CPNE4: variants seen among roughly 807,000 people sequenced by gnomAD.
CPNE4 encodes copine-4.
In CPNE4, 25 loss-of-function variants were observed where a neutral mutation model predicts 67.9. The observed-to-expected ratio is 0.37, with a 90% CI of 0.27 to 0.51. The LOEUF (loss-of-function observed/expected upper bound fraction) is 0.51. CPNE4 is among the 20% of genes least tolerant of loss of function. CPNE4 has a pLI of 0.93. For synonymous variants in CPNE4, 242 were observed against 244.9 expected, an observed-to-expected ratio of 0.99 and a Z score of 0.11; for missense variants, 464 against 690.8, an observed-to-expected ratio of 0.67 and a Z score of 3.68.
chr3:131,898,258 A>G (rs764440743), intron 2 of CPNE4, among the ~76,000 whole-genome samples: 13 of 152,064 alleles, frequency 8.5e-5, no homozygotes, highest in Non-Finnish European at 1.9e-4. Flanking sequence ...GCCCTCTCAA[A>G]CTCTTTCTCC....
intron 1 of CPNE4, among the ~76,000 whole-genome samples, chr3:131,973,509 C>T (rs2107621150): frequency 6.6e-6 from 1 of 152,288 alleles, no homozygotes; most frequent in Admixed American, 6.5e-5. Context: ...TTCAGCACAG[C>T]TTTTAATGAT....
chr3:131,987,893 A>G (rs1278563395), intron 1 of CPNE4, among the ~76,000 whole-genome samples: 3 of 152,162 alleles, frequency 2.0e-5, no homozygotes, highest in African/African-American at 4.8e-5. Context: ...TTTGCTATAA[A>G]TGTTTACCCA....
chr3:131,968,427 C>T (rs2072413526), intron 1 of CPNE4, among the ~76,000 whole-genome samples: 1 of 152,202 alleles, frequency 6.6e-6, no homozygotes. Context: ...ATGCAACCTA[C>T]AGAATGGGAG....
chr3:131,878,237 GGATA>G (rs2087533562), intron 2 of CPNE4, among the ~76,000 whole-genome samples: 1 of 152,136 alleles, frequency 6.6e-6, no homozygotes, highest in Admixed American at 6.5e-5. Flanking sequence ...ATCAGCAGTA[GGATA>G]GATAAATCAA....
At chr3:131,741,027 T>C (rs975660381) in intron 2 of CPNE4, among the ~76,000 whole-genome samples, 9 of 152,172 alleles carry the variant, frequency 5.9e-5, no homozygotes, top group African/African-American at 1.9e-4. Context: ...CTTAAATGTC[T>C]TCTCATTGAA....
intron 1 of CPNE4, among the ~76,000 whole-genome samples, chr3:131,980,791 G>A (rs181443257): frequency 6.7e-4 from 102 of 152,142 alleles, no homozygotes; most frequent in Admixed American, 1.4e-3. Flanking sequence ...ATATTACCAC[G>A]GTTTTCTGGT....
chr3:131,723,850 A>G (rs566353091), intron 2 of CPNE4, among the ~76,000 whole-genome samples: 11 of 152,340 alleles, frequency 7.2e-5, no homozygotes, highest in South Asian at 4.1e-4. Flanking sequence ...TTGAAGATTT[A>G]GAGCTCATTG....
intron 7 of CPNE4, among the ~76,000 whole-genome samples, chr3:131,664,416 G>T (rs891320081): frequency 1.3e-5 from 2 of 152,160 alleles, no homozygotes; most frequent in Non-Finnish European, 2.9e-5. Context: ...ATTTCTGGGA[G>T]AGTAATTTAT....
rs2074307425 is a variant in CPNE4, at chr3:132,034,613, C to T, written c.-48G>A. 3.0e-6 allele frequency: 3 copies of T among 985,316 alleles called. No homozygotes were observed. The highest frequency in any genetic ancestry group is 3.5e-5 in the African/African-American group (2 of 57,198). The allele number at this position is 985,316 out of a possible 1,614,324, so 61.0% of individuals were successfully genotyped here. On this transcript the variant is annotated 5_prime_UTR_variant, in exon 1 of 16. Transcript: ENST00000429747. ...AGTGGAGAGAGAATTCAGCCCGGGA[C>T]GAGGTCTGTCCCGCCCCCAGGATGC...
intron 8 of CPNE4, among the ~76,000 whole-genome samples, chr3:131,587,211 A>C (rs1394687190): frequency 6.6e-6 from 1 of 152,186 alleles, no homozygotes; most frequent in Non-Finnish European, 1.5e-5. Flanking sequence ...TCAGGGCTAC[A>C]CAGGTAAAGG....
At chr3:131,816,566 G>A (rs941618401) in intron 2 of CPNE4, among the ~76,000 whole-genome samples, 14 of 152,174 alleles carry the variant, frequency 9.2e-5, no homozygotes, top group South Asian at 2.1e-4. Context: ...GGATTGAAAC[G>A]GAATCAACTC....
intron 7 of CPNE4, among the ~76,000 whole-genome samples, chr3:131,666,002 G>T (rs2080250381): frequency 6.6e-6 from 1 of 151,960 alleles, no homozygotes; most frequent in South Asian, 2.1e-4. Context: ...TTTTTTTCTG[G>T]TATTAGATAA....
At chr3:131,956,872 AT>A (rs1392000435) in intron 1 of CPNE4, among the ~76,000 whole-genome samples, 1 of 152,228 alleles carries the variant, frequency 6.6e-6, no homozygotes, top group Non-Finnish European at 1.5e-5. Flanking sequence ...TGTAGAATTT[AT>A]CCCCAAGTTT....
At chr3:131,906,206 T>TG (rs1471269609) in intron 1 of CPNE4, among the ~76,000 whole-genome samples, 8 of 110,454 alleles carry the variant, frequency 7.2e-5, no homozygotes, top group Middle Eastern at 9.1e-3. Flanking sequence ...TTTTTTGTTT[T>TG]TTTTTGTTGT....
At chr3:131,750,699 G>A (rs1318963770) in intron 2 of CPNE4, among the ~76,000 whole-genome samples, 2 of 152,082 alleles carry the variant, frequency 1.3e-5, no homozygotes, top group Non-Finnish European at 2.9e-5. Context: ...CAGAATTCAG[G>A]AGGAGAAAAA....
intron 2 of CPNE4, among the ~76,000 whole-genome samples, chr3:131,903,671 C>A (rs747879807): frequency 2.0e-5 from 3 of 152,026 alleles, no homozygotes; most frequent in Non-Finnish European, 4.4e-5. Context: ...TTTGTCTTTC[C>A]ATTTCCTTGC....
upstream of CPNE4, among the ~76,000 whole-genome samples, chr3:132,035,719 T>C (rs1299699242): frequency 6.6e-6 from 1 of 152,240 alleles, no homozygotes; most frequent in Non-Finnish European, 1.5e-5. Flanking sequence ...CAGGGCATTG[T>C]TTCTGATTAT....
chr3:131,660,839 A>G (rs2080105116), intron 7 of CPNE4, among the ~76,000 whole-genome samples: 1 of 152,154 alleles, frequency 6.6e-6, no homozygotes, highest in South Asian at 2.1e-4. Flanking sequence ...CTTGCCATTT[A>G]CTGTGGCTAT....
intron 7 of CPNE4, among the ~76,000 whole-genome samples, chr3:131,629,187 T>C (rs57401890): frequency 0.28 from 41,949 of 151,956 alleles, 9,528 homozygotes; most frequent in African/African-American, 0.63. Context: ...CGGGAAAGAC[T>C]GGCCCCCATG....
Sources: allele counts gnomAD v4.1 joint callset (sites outside exome capture counted in the v4.1 genomes callset), GRCh38; gene constraint gnomAD v4.1.1; transcripts MANE v1.5; gene names NCBI Gene and HGNC (gene_info 2026-07-23, HGNC 2026-07-21).